Variants in GLYATL1 observed in about 807,000 individuals in gnomAD.
The protein encoded by GLYATL1 is glycine N-acyltransferase-like protein 1.
Under a neutral mutation model 20.0 loss-of-function variants are expected in GLYATL1, and 15 were observed. The observed-to-expected ratio is 0.75, with a 90% CI of 0.50 to 1.15. GLYATL1 has a LOEUF of 1.15. Among genes scored for constraint, GLYATL1 ranks in the 50% most tolerant of loss-of-function variants. GLYATL1 has a pLI of 0.00. For missense variants in GLYATL1, 380 were observed against 368.5 expected, an observed-to-expected ratio of 1.03 and a Z score of -0.26; for synonymous variants, 151 against 131.5, an observed-to-expected ratio of 1.15 and a Z score of -1.01.
At chr11:58,913,020 A>G (rs540558763), downstream of GLYATL1, among the ~76,000 whole-genome samples, 2 of 152,302 alleles carry the variant, frequency 1.3e-5, no homozygotes, top group East Asian at 3.9e-4. Flanking sequence ...GCCATACAGA[A>G]TGGTGAGTAC....
intron 1 of GLYATL1, among the ~76,000 whole-genome samples, chr11:58,933,339 T>G (rs1207436491): frequency 6.6e-6 from 1 of 152,206 alleles, no homozygotes; most frequent in African/African-American, 2.4e-5. Flanking sequence ...ACTATTCCTA[T>G]AATCTCAGCT....
intron 1 of GLYATL1, among the ~76,000 whole-genome samples, chr11:58,928,160 G>A (rs1855478487): frequency 1.3e-5 from 2 of 152,188 alleles, no homozygotes; most frequent in Non-Finnish European, 2.9e-5. Context: ...CCTTAATTGA[G>A]CCTGTGAAAC....
chr11:58,916,972 A>T (rs1855188873), intron 1 of GLYATL1: 1 of 152,222 alleles, frequency 6.6e-6, no homozygotes, highest in Non-Finnish European at 1.5e-5. Flanking sequence ...AGTGGCCCAC[A>T]AGCAGTTTGA....
chr11:58,947,749 C>A, intron 3 of GLYATL1, 109 bp from the exon 4 acceptor site: 1 of 752,104 alleles, frequency 1.3e-6, no homozygotes, highest in Non-Finnish European at 2.4e-6. Context: ...CCATCACTGA[C>A]TTGGTCTCAG....
intron 1 of GLYATL1, among the ~76,000 whole-genome samples, chr11:58,932,672 C>T (rs1479729508): frequency 2.0e-5 from 3 of 152,148 alleles, no homozygotes; most frequent in African/African-American, 7.2e-5. Context: ...TACAATGAAC[C>T]TCAAAAAAGT....
intron 3 of GLYATL1, 181 bp downstream of exon 3, chr11:58,947,346 A>G (rs772739902): frequency 1.2e-6 from 1 of 804,746 alleles, no homozygotes; most frequent in Non-Finnish European, 1.9e-6. Flanking sequence ...AGAGGCAGCT[A>G]GGTCCACTCT....
At chr11:58,921,358 C>T (rs79623143) in intron 1 of GLYATL1, among the ~76,000 whole-genome samples, 1,669 of 152,146 alleles carry the variant, frequency 0.011, 35 homozygotes, top group African/African-American at 0.038. Context: ...CATCAGCTGG[C>T]CTTCAACTAG....
chr11:58,910,985 C>T (rs867493621), downstream of GLYATL1, among the ~76,000 whole-genome samples: 1 of 152,092 alleles, frequency 6.6e-6, no homozygotes, highest in Non-Finnish European at 1.5e-5. Context: ...CCCACTTATC[C>T]CCTATTCACC....
At chr11:58,927,067 T>C (rs1855444876), upstream of GLYATL1, among the ~76,000 whole-genome samples, 1 of 152,238 alleles carries the variant, frequency 6.6e-6, no homozygotes, top group South Asian at 2.1e-4. Context: ...CACAATATTT[T>C]CACCTTTTAA....
At chr11:58,949,957 C>T (rs1053366285) in intron 4 of GLYATL1, among the ~76,000 whole-genome samples, 3 of 150,860 alleles carry the variant, frequency 2.0e-5, no homozygotes, top group African/African-American at 7.3e-5. Flanking sequence ...TACCTCCCCT[C>T]CCCTCCTCTC....
chr11:58,908,971 G>A (rs1422649489), downstream of GLYATL1, among the ~76,000 whole-genome samples: 2 of 152,142 alleles, frequency 1.3e-5, no homozygotes, highest in Non-Finnish European at 2.9e-5. Context: ...CTTCCTTATA[G>A]TTGCAGAAAT....
chr11:58,919,789 C>T (rs1309571512), intron 1 of GLYATL1, among the ~76,000 whole-genome samples: 2 of 152,192 alleles, frequency 1.3e-5, no homozygotes, highest in African/African-American at 2.4e-5. Context: ...ACAAGTTAGA[C>T]ATTGTTCACA....
At position 58,939,655 on chromosome 11, in the gene GLYATL1, C is replaced by T. The variant is rs148307536; in HGVS notation, c.-167+5C>T. On this transcript the variant is annotated splice_donor_5th_base_variant and intron_variant, in intron 1 of 6. Coordinates refer to ENST00000532726, the MANE Select transcript of GLYATL1 (RefSeq NM_001389712.2). Reference sequence around the variant, plus strand: ...TTCACATCGGCATCCAGATAGGTGACTGTCCTTTGTGGGCCCAGACAGAAA... The same window carrying T: ...TTCACATCGGCATCCAGATAGGTGATTGTCCTTTGTGGGCCCAGACAGAAA... The T allele has an allele frequency of 1.9e-3, 295 of 152,366 alleles. 1 individual carries two copies. The highest frequency in any genetic ancestry group is 6.6e-3 in the African/African-American group (276 of 41,578). The allele number at this position is 152,366 out of a possible 1,614,324, so 9.4% of individuals were successfully genotyped here.
chr11:58,927,364 G>A (rs955798575), upstream of GLYATL1, among the ~76,000 whole-genome samples: 16 of 152,232 alleles, frequency 1.1e-4, no homozygotes, highest in African/African-American at 3.6e-4. Context: ...AGGAGCACAG[G>A]AAATTTTGCT....
chr11:58,938,675 G>A (rs1038752828), upstream of GLYATL1, among the ~76,000 whole-genome samples: 1 of 152,188 alleles, frequency 6.6e-6, no homozygotes, highest in African/African-American at 2.4e-5. Context: ...TGGACTTGGA[G>A]AATCCCCTGC....
At chr11:58,927,853 T>C (rs1157427894) in intron 1 of GLYATL1, 2 of 152,204 alleles carry the variant, frequency 1.3e-5, no homozygotes, top group Non-Finnish European at 2.9e-5. Context: ...TTCCTCTCTG[T>C]TAATTCCGCC....
Position 58,955,894 on chromosome 11 carries a change from A to C in GLYATL1, c.776A>C (p.Asn259Thr), listed in dbSNP as rs370990664. ...VRYMKYLRQK[N>T]IPFYISVLEE... Reference sequence around the variant, plus strand: ...TACATGAAATATCTGCGTCAGAAGAATATTCCATTTTACATCTCTGTGTTG... The same window carrying C: ...TACATGAAATATCTGCGTCAGAAGACTATTCCATTTTACATCTCTGTGTTG... The change falls in exon 7 of 7, where the codon AAT becomes ACT. Residue 259 changes from asparagine (N) to threonine (T), a missense_variant. Transcript: ENST00000532726. The C allele has an allele frequency of 6.2e-7, 1 of 1,614,120 alleles. No individual in the cohort carries two copies.
At chr11:58,918,407 G>A (rs937139067) in intron 1 of GLYATL1, among the ~76,000 whole-genome samples, 1 of 152,220 alleles carries the variant, frequency 6.6e-6, no homozygotes, top group Non-Finnish European at 1.5e-5. Context: ...TTGTTAGGTT[G>A]TCTGGTTGTG....
In GLYATL1 at chr11:58,955,622, C is replaced by A; in HGVS notation, c.504C>A (p.Asn168Lys). The change falls in exon 7 of 7, where the codon AAC becomes AAA. Residue 168 changes from asparagine to lysine, a missense_variant. Physicochemically the swap from Asn to Lys is moderately conservative, Grantham distance 94. Coordinates refer to ENST00000532726, the MANE Select transcript of GLYATL1 (RefSeq NM_001389712.2). ...TTGTTGTCTACAGTGAAACTCCCAA[C>A]TTTAAGTATGCCCAGCTGGATGTCT... ...PDDEFESETP[N>K]FKYAQLDVSY... The A allele has an allele frequency of 1.2e-6, 2 of 1,613,502 alleles. No homozygotes were observed. Among genetic ancestry groups the A allele is most frequent in the East Asian group, 2.2e-5 (1 of 44,872 alleles).
Sources: allele counts gnomAD v4.1 joint callset (sites outside exome capture counted in the v4.1 genomes callset), GRCh38; gene constraint gnomAD v4.1.1; transcripts MANE v1.5; gene names NCBI Gene and HGNC (gene_info 2026-07-23, HGNC 2026-07-21).